Variants in CDKAL1 observed in about 807,000 individuals in gnomAD.
CDKAL1 encodes threonylcarbamoyladenosine tRNA methylthiotransferase.
CDKAL1 carries 32 observed loss-of-function variants against 68.2 expected under a neutral mutation model. The ratio of observed to expected loss-of-function variants is 0.47; its 90% CI spans 0.35 to 0.63. The LOEUF (loss-of-function observed/expected upper bound fraction) is 0.63. CDKAL1 is among the 30% of genes least tolerant of loss of function. The pLI, the probability that CDKAL1 is intolerant of heterozygous loss-of-function variation, is 0.00. For synonymous variants in CDKAL1, 234 were observed against 244.3 expected, an observed-to-expected ratio of 0.96 and a Z score of 0.39; for missense variants, 606 against 696.7, an observed-to-expected ratio of 0.87 and a Z score of 1.47.
chr6:21,141,430 A>T (rs760451553), intron 13 of CDKAL1, among the ~76,000 whole-genome samples: 5 of 152,162 alleles, frequency 3.3e-5, no homozygotes, highest in Non-Finnish European at 7.4e-5. Context: ...CCAGTGAATT[A>T]TGGTTATTTA....
chr6:20,844,670 C>T (rs1225522596), intron 8 of CDKAL1, among the ~76,000 whole-genome samples: 2 of 144,454 alleles, frequency 1.4e-5, no homozygotes, highest in East Asian at 2.0e-4. Flanking sequence ...GGCAACATAG[C>T]GAGACCCCGT....
At chr6:20,980,192 G>GATAGATACAGAT (rs1554151282) in intron 10 of CDKAL1, among the ~76,000 whole-genome samples, 2 of 148,988 alleles carry the variant, frequency 1.3e-5, no homozygotes, top group Non-Finnish European at 3.0e-5. Context: ...TCCAAAGATA[G>GATAGATACAGAT]ATAGATATAG....
chr6:20,751,393 A>G (rs529337729), intron 6 of CDKAL1, among the ~76,000 whole-genome samples: 9 of 152,296 alleles, frequency 5.9e-5, no homozygotes, highest in African/African-American at 2.2e-4. Flanking sequence ...ACATTTGACT[A>G]TTTAAATATG....
chr6:21,197,743 T>G (rs548696551), intron 13 of CDKAL1, among the ~76,000 whole-genome samples: 1 of 152,244 alleles, frequency 6.6e-6, no homozygotes, highest in African/African-American at 2.4e-5. Flanking sequence ...ATCTTACTTA[T>G]GTTGAAGGAG....
chr6:20,864,690 A>G (rs1759810138), intron 9 of CDKAL1, among the ~76,000 whole-genome samples: 1 of 152,198 alleles, frequency 6.6e-6, no homozygotes. Flanking sequence ...GGACCAGTGT[A>G]TTTTAGGTAA....
intron 5 of CDKAL1, among the ~76,000 whole-genome samples, chr6:20,723,020 T>G (rs1772459894): frequency 6.6e-6 from 1 of 152,204 alleles, no homozygotes; most frequent in Admixed American, 6.5e-5. Context: ...GACCTCATTC[T>G]TCTTGGATGC....
intron 4 of CDKAL1, among the ~76,000 whole-genome samples, chr6:20,618,473 C>T (rs141554679): frequency 0.048 from 7,373 of 152,172 alleles, 201 homozygotes; most frequent in Middle Eastern, 0.12. Flanking sequence ...CTGTTTTAGT[C>T]GTGAAGTCCT....
chr6:21,202,922 TGAG>T (rs1316494290), intron 15 of CDKAL1, among the ~76,000 whole-genome samples: 1 of 152,178 alleles, frequency 6.6e-6, no homozygotes, highest in Non-Finnish European at 1.5e-5. Flanking sequence ...CCGGATAAGA[TGAG>T]GAAGCCAGTT....
At position 20,576,172 on chromosome 6, in the gene CDKAL1, G is replaced by T. The variant is rs1764900159; in HGVS notation, c.286+27467G>T. On this transcript the variant is annotated intron_variant, in intron 4 of 15. Coordinates refer to ENST00000274695, the MANE Select transcript of CDKAL1 (RefSeq NM_017774.3). Reference sequence around the variant, plus strand: ...AGTGTCTGTGAGAACTGTAAAAGAAGAATAAATAGCTGAGTTATGTCATAC... The same window carrying T: ...AGTGTCTGTGAGAACTGTAAAAGAATAATAAATAGCTGAGTTATGTCATAC... Among the ~76,000 whole-genome samples, 16 of 152,290 alleles carry T rather than the reference G, an allele frequency of 1.1e-4. No homozygotes were observed. In the South Asian group the frequency reaches 3.3e-3, roughly 32 times the overall value.
chr6:21,174,087 AAAAG>A (rs988432907), intron 13 of CDKAL1, among the ~76,000 whole-genome samples: 17 of 152,246 alleles, frequency 1.1e-4, no homozygotes, highest in African/African-American at 3.4e-4. Flanking sequence ...CTCAATTAAA[AAAAG>A]AAAGAAAGAA....
At chr6:21,171,691 A>G (rs1015531403) in intron 13 of CDKAL1, among the ~76,000 whole-genome samples, 1 of 152,218 alleles carries the variant, frequency 6.6e-6, no homozygotes, top group East Asian at 1.9e-4. Context: ...TTACTCCATA[A>G]TAAATACCTC....
chr6:20,672,222 TC>T (rs1303335322), intron 5 of CDKAL1, among the ~76,000 whole-genome samples: 1 of 138,736 alleles, frequency 7.2e-6, no homozygotes, highest in Non-Finnish European at 1.6e-5. Context: ...TTTCTTCCTT[TC>T]TTTCTTTTCT....
chr6:21,137,383 G>A (rs1450380277), intron 13 of CDKAL1, among the ~76,000 whole-genome samples: 3 of 152,032 alleles, frequency 2.0e-5, no homozygotes, highest in South Asian at 2.1e-4. Context: ...GACCGTCACC[G>A]CCACATGCAG....
chr6:20,897,908 A>G (rs1052258402), intron 9 of CDKAL1, among the ~76,000 whole-genome samples: 3 of 152,186 alleles, frequency 2.0e-5, no homozygotes, highest in Non-Finnish European at 4.4e-5. Context: ...TAATTAAAAT[A>G]CAATAAAAAT....
At chr6:20,747,643 TA>T (rs1773719532) in intron 6 of CDKAL1, among the ~76,000 whole-genome samples, 1 of 152,264 alleles carries the variant, frequency 6.6e-6, no homozygotes, top group Non-Finnish European at 1.5e-5. Context: ...GAAAAATGTC[TA>T]TTCAGGTCCT....
At chr6:20,683,823 G>A (rs1015590242) in intron 5 of CDKAL1, among the ~76,000 whole-genome samples, 13 of 152,272 alleles carry the variant, frequency 8.5e-5, no homozygotes, top group African/African-American at 3.1e-4. Context: ...CACCATTATT[G>A]TATCATACAG....
chr6:21,224,364 T>TA (rs1158697804), intron 15 of CDKAL1, among the ~76,000 whole-genome samples: 4 of 152,046 alleles, frequency 2.6e-5, no homozygotes, highest in African/African-American at 7.2e-5. Flanking sequence ...CCATCTCTAC[T>TA]AAAAATGCCA....
intron 11 of CDKAL1, among the ~76,000 whole-genome samples, chr6:21,031,264 G>A (rs1465129438): frequency 2.6e-5 from 4 of 151,440 alleles, no homozygotes; most frequent in African/African-American, 9.7e-5. Flanking sequence ...CCCACAGATC[G>A]TTTACAACAT....
intron 9 of CDKAL1, among the ~76,000 whole-genome samples, chr6:20,880,002 CTT>C (rs1031597422): frequency 6.6e-6 from 1 of 152,122 alleles, no homozygotes; most frequent in African/African-American, 2.4e-5. Flanking sequence ...TTTTAATTCT[CTT>C]AGAGGTTGGG....
Sources: allele counts gnomAD v4.1 joint callset (sites outside exome capture counted in the v4.1 genomes callset), GRCh38; gene constraint gnomAD v4.1.1; transcripts MANE v1.5; gene names NCBI Gene and HGNC (gene_info 2026-07-23, HGNC 2026-07-21).